PLEKHA7: variants seen among roughly 807,000 people sequenced by gnomAD.
PLEKHA7 encodes pleckstrin homology domain containing A7.
PLEKHA7 carries 104 observed loss-of-function variants against 170.0 expected under a neutral mutation model. The observed-to-expected ratio is 0.61, with a 90% CI of 0.52 to 0.72. The LOEUF is 0.72. PLEKHA7 is among the 30% of genes least tolerant of loss of function. The pLI is 0.00. For synonymous variants in PLEKHA7, 648 were observed against 660.8 expected, an observed-to-expected ratio of 0.98 and a Z score of 0.30; for missense variants, 1,615 against 1,671.7, an observed-to-expected ratio of 0.97 and a Z score of 0.59.
rs553514112 is a variant in PLEKHA7, at chr11:16,856,072, G to A, written c.306-158C>T. ...GACTCCAGACTGCAGCCAGAAGGCC[G>A]CAATGTCCAGCCTGCCCATGTGTTT... On this transcript the variant is annotated intron_variant, in intron 4 of 26. Transcript: ENST00000531066. Among the ~76,000 whole-genome samples the A allele has an allele frequency of 5.9e-5, 9 of 152,278 alleles. No individual in the cohort carries two copies. In the South Asian group the frequency reaches 8.3e-4, roughly 14 times the overall value.
chr11:16,978,600 G>A (rs892466456), intron 3 of PLEKHA7, among the ~76,000 whole-genome samples: 1 of 152,166 alleles, frequency 6.6e-6, no homozygotes, highest in African/African-American at 2.4e-5. Context: ...TTAATAGTTG[G>A]ATGGTACCGA....
At chr11:16,921,778 G>C (rs1260205640) in intron 3 of PLEKHA7, among the ~76,000 whole-genome samples, 1 of 152,204 alleles carries the variant, frequency 6.6e-6, no homozygotes. Flanking sequence ...ATGCAATGCT[G>C]CATTACAGTT....
chr11:16,929,557 G>A (rs1590645821), intron 3 of PLEKHA7, among the ~76,000 whole-genome samples: 1 of 152,184 alleles, frequency 6.6e-6, no homozygotes, highest in African/African-American at 2.4e-5. Flanking sequence ...GATAAGACTG[G>A]GCTCAGTAAT....
intron 3 of PLEKHA7, among the ~76,000 whole-genome samples, chr11:16,878,656 C>G (rs1358690885): frequency 6.6e-6 from 1 of 152,206 alleles, no homozygotes; most frequent in South Asian, 2.1e-4. Flanking sequence ...AGTGCAGTGG[C>G]ACAATCGCAG....
At chr11:16,900,092 T>C (rs1045842772) in intron 3 of PLEKHA7, among the ~76,000 whole-genome samples, 4 of 152,172 alleles carry the variant, frequency 2.6e-5, no homozygotes, top group South Asian at 2.1e-4. Flanking sequence ...ACATAGTTAA[T>C]GGGAAGGCCT....
chr11:16,847,093 T>G (rs1432203368), intron 8 of PLEKHA7, among the ~76,000 whole-genome samples: 62 of 124,876 alleles, frequency 5.0e-4, no homozygotes, highest in African/African-American at 2.2e-3. Context: ...TTTTTTTCTT[T>G]TTTTTTTTTT....
chr11:16,784,255 G>A (rs551620986), intron 24 of PLEKHA7, among the ~76,000 whole-genome samples: 2 of 152,252 alleles, frequency 1.3e-5, no homozygotes, highest in East Asian at 3.9e-4. Context: ...TTGTTCCCTT[G>A]ACTCTCATCT....
At position 16,778,859 on chromosome 11, in the gene PLEKHA7, C is replaced by A. The variant is rs1848818298; in HGVS notation, c.*139G>T. ...TAGGGCCTGGCCTGTGGTGAACACC[C>A]GCAGTCGGTAAGCTGCTCCTTCCTC... On this transcript the variant is annotated 3_prime_UTR_variant, in exon 27 of 27. Transcript: ENST00000531066. 1 of 679,932 alleles carries A rather than the reference C, an allele frequency of 1.5e-6. No homozygotes were observed. Among genetic ancestry groups the A allele is most frequent in the Non-Finnish European group, 2.7e-6 (1 of 373,158 alleles). The allele number at this position is 679,932 out of a possible 1,614,324, so 42.1% of individuals were successfully genotyped here. A position where few individuals can be genotyped will look rare whatever the true frequency, so the allele number is the denominator to read the frequency against.
rs57104068 is a variant in PLEKHA7, at chr11:16,936,401, C to CAAAAAAAAA, written c.222-65228_222-65220dup. Among the ~76,000 whole-genome samples the CAAAAAAAAA allele has an allele frequency of 1.3e-3, 90 of 68,122 alleles. 5 individuals are homozygous for CAAAAAAAAA. The highest frequency in any genetic ancestry group is 2.9e-3 in the African/African-American group (54 of 18,870). 44.7% of individuals were successfully genotyped at this position (68,122 alleles called of 152,430 possible). A position where few individuals can be genotyped will look rare whatever the true frequency, so the allele number is the denominator to read the frequency against. On this transcript the variant is annotated intron_variant, in intron 3 of 26. Transcript: ENST00000531066. ...TGGGAAATAGCGTGAGACTCTGTCT[C>CAAAAAAAAA]AAAAAAAAAAAAAAAAAAAAAAAAA... is the stretch of plus-strand genomic sequence containing the variant.
chr11:16,791,124 G>A lies in PLEKHA7; in HGVS notation c.2821C>T (p.Leu941=), dbSNP rs750462071. 10 of 1,614,134 alleles carry A rather than the reference G, an allele frequency of 6.2e-6. No individual in the cohort carries two copies. Among genetic ancestry groups the A allele is most frequent in the South Asian group, 1.1e-5 (1 of 91,076 alleles). ...CGGATGATGGTGGCCTCTCTTGGCA[G>A]AGGCGGCACAGCCGGGGGCTGGTCC... ...PEDQPPAVPP[L]PREATIIRHT... The change falls in exon 20 of 27, where the codon CTG becomes TTG. Residue 941 remains leucine (L), a synonymous_variant. Transcript: ENST00000531066. The surrounding 1 kb of genome is among the most constrained non-coding windows in gnomAD (Gnocchi z 4.5).
intron 6 of PLEKHA7, 125 bp from the exon 7 acceptor site, chr11:16,852,480 C>G: frequency 1.5e-6 from 1 of 665,110 alleles, no homozygotes; most frequent in Non-Finnish European, 2.5e-6. Context: ...AATAAATTAC[C>G]ATTTTACTGA....
At chr11:16,965,785 C>T (rs1413847205) in intron 3 of PLEKHA7, among the ~76,000 whole-genome samples, 2 of 152,198 alleles carry the variant, frequency 1.3e-5, no homozygotes, top group Non-Finnish European at 2.9e-5. Context: ...CAACAAAATA[C>T]TAAGTATCTA....
chr11:17,011,352 A>C (rs1298768764), intron 3 of PLEKHA7, among the ~76,000 whole-genome samples: 1 of 152,024 alleles, frequency 6.6e-6, no homozygotes, highest in Admixed American at 6.5e-5. Context: ...TCTTCCTCTC[A>C]GTGGGATCAT....
intron 9 of PLEKHA7, among the ~76,000 whole-genome samples, chr11:16,841,018 G>A (rs1490593800): frequency 9.2e-5 from 14 of 152,098 alleles, no homozygotes; most frequent in Non-Finnish European, 2.1e-4. Flanking sequence ...CCAGATAAAG[G>A]TATACCCAGA....
intron 9 of PLEKHA7, among the ~76,000 whole-genome samples, chr11:16,838,693 C>CTTTTTTTTTTTT (rs869209891): frequency 9.3e-6 from 1 of 107,868 alleles, no homozygotes; most frequent in Non-Finnish European, 1.8e-5. Context: ...ACACAGTTTT[C>CTTTTTTTTTTTT]TTTTTTTTTT....
rs532325176 is a variant in PLEKHA7, at chr11:16,791,890, C to T, written c.2746-691G>A. Among the ~76,000 whole-genome samples the T allele has an allele frequency of 1.2e-4, 18 of 152,302 alleles. No homozygotes were observed. The East Asian group carries it at 3.5e-3, about 29-fold the overall frequency. On this transcript the variant is annotated intron_variant, in intron 19 of 26. Transcript: ENST00000531066. The surrounding 1 kb of genome is among the most constrained non-coding windows in gnomAD (Gnocchi z 4.5). ...GTGTTCTGTGAGGGCTGTGGTTCCT[C>T]TACATATCAACAGACCGGCCCCTGG...
chr11:17,004,743 G>T (rs909769942), intron 3 of PLEKHA7, among the ~76,000 whole-genome samples: 1 of 151,704 alleles, frequency 6.6e-6, no homozygotes, highest in African/African-American at 2.4e-5. Context: ...CCAAATTCCC[G>T]CACTAAAAAA....
intron 3 of PLEKHA7, among the ~76,000 whole-genome samples, chr11:17,004,134 G>T (rs1298078288): frequency 6.6e-6 from 1 of 152,114 alleles, no homozygotes; most frequent in African/African-American, 2.4e-5. Flanking sequence ...ATATAAGAAA[G>T]GATTACATAA....
chr11:16,790,189 C>A, intron 21 of PLEKHA7: 1 of 395,558 alleles, frequency 2.5e-6, no homozygotes, highest in Non-Finnish European at 4.7e-6. Context: ...GAATGCCTTT[C>A]ACCCCCTGAT....
Sources: gnomAD v4.1 joint callset for allele counts (sites outside exome capture counted in the v4.1 genomes callset) on GRCh38, gnomAD v4.1.1 for gene constraint, Gnocchi (gnomAD v3.1) non-coding constraint, MANE v1.5 for transcripts, NCBI Gene and HGNC (gene_info 2026-07-23, HGNC 2026-07-21) for gene names.